ST8SIA6: variants seen among roughly 807,000 people sequenced by gnomAD.
The protein encoded by ST8SIA6 is ST8 alpha-N-acetyl-neuraminide alpha-2,8-sialyltransferase 6.
In ST8SIA6, 39 loss-of-function variants were observed where a neutral mutation model predicts 33.6. The observed-to-expected ratio is 1.16, with a 90% confidence interval of 0.90 to 1.52. The LOEUF is 1.52. Ranked by LOEUF, ST8SIA6 falls within the 40% of genes most tolerant of loss-of-function variation. ST8SIA6 has a pLI of 0.00. For missense variants in ST8SIA6, 441 were observed against 443.8 expected (o/e 0.99, Z 0.06); for synonymous variants, 172 against 167.2 (o/e 1.03, Z -0.22).
intron 6 of ST8SIA6, among the ~76,000 whole-genome samples, chr10:17,325,271 A>G (rs1271757305): frequency 6.9e-6 from 1 of 144,904 alleles, no homozygotes. Flanking sequence ...ATACTATACA[A>G]TGTACAATAT....
chr10:17,420,370 C>T (rs1851741827), intron 2 of ST8SIA6, among the ~76,000 whole-genome samples: 1 of 152,080 alleles, frequency 6.6e-6, no homozygotes. Context: ...TGAGATCACG[C>T]CACTGCACTC....
intron 2 of ST8SIA6, among the ~76,000 whole-genome samples, chr10:17,434,230 G>T (rs374827999): frequency 3.3e-5 from 5 of 152,120 alleles, no homozygotes; most frequent in Admixed American, 2.6e-4. Context: ...CTGAAACTCC[G>T]GCTGACCAGG....
At chr10:17,327,988 T>C (rs541499567) in intron 5 of ST8SIA6, among the ~76,000 whole-genome samples, 8 of 152,178 alleles carry the variant, frequency 5.3e-5, no homozygotes, top group South Asian at 2.1e-4. Flanking sequence ...TTGAGAGAAA[T>C]AGACATCATA....
chr10:17,399,674 T>C (rs1237722038), intron 2 of ST8SIA6, among the ~76,000 whole-genome samples: 2 of 152,044 alleles, frequency 1.3e-5, no homozygotes, highest in African/African-American at 4.8e-5. Context: ...CCCAGCACTT[T>C]GGGAGGCAGA....
intron 6 of ST8SIA6, among the ~76,000 whole-genome samples, chr10:17,323,559 A>G (rs1360475682): frequency 2.6e-5 from 4 of 151,606 alleles, no homozygotes; most frequent in Non-Finnish European, 5.9e-5. Flanking sequence ...GCGAATTTGT[A>G]TTTTTAGTAG....
intron 2 of ST8SIA6, among the ~76,000 whole-genome samples, chr10:17,445,400 T>C (rs767016107): frequency 6.6e-6 from 1 of 152,174 alleles, no homozygotes; most frequent in Admixed American, 6.5e-5. Flanking sequence ...GGAAGAGATA[T>C]TATTAACAAA....
intron 3 of ST8SIA6, among the ~76,000 whole-genome samples, chr10:17,380,283 C>T (rs550524603): frequency 2.2e-3 from 337 of 152,314 alleles, no homozygotes; most frequent in Admixed American, 3.9e-3. Context: ...AAGTAAGAAA[C>T]TGGTTTGGGA....
At chr10:17,336,636 C>G (rs1848508392) in intron 4 of ST8SIA6, among the ~76,000 whole-genome samples, 1 of 149,760 alleles carries the variant, frequency 6.7e-6, no homozygotes, top group African/African-American at 2.5e-5. Context: ...CTACCTCACC[C>G]AGGCTGAAGT....
chr10:17,379,062 G>A (rs968280610), intron 3 of ST8SIA6, among the ~76,000 whole-genome samples: 2 of 151,694 alleles, frequency 1.3e-5, no homozygotes, highest in South Asian at 4.2e-4. Context: ...GGAGGCAGTG[G>A]TTGCAGTGAG....
intron 2 of ST8SIA6, among the ~76,000 whole-genome samples, chr10:17,401,888 T>C (rs1443773048): frequency 6.8e-6 from 1 of 147,274 alleles, no homozygotes; most frequent in Non-Finnish European, 1.5e-5. Context: ...ACTTCATGTC[T>C]AAAACACCAA....
chr10:17,407,433 G>A (rs1201964036), intron 2 of ST8SIA6, among the ~76,000 whole-genome samples: 1 of 152,160 alleles, frequency 6.6e-6, no homozygotes, highest in African/African-American at 2.4e-5. Flanking sequence ...TGTGTCCTAA[G>A]AAGAGCCGTG....
chr10:17,340,132 A>G (rs1848625651), intron 4 of ST8SIA6, among the ~76,000 whole-genome samples: 1 of 152,210 alleles, frequency 6.6e-6, no homozygotes, highest in Non-Finnish European at 1.5e-5. Context: ...AAGAATCAGT[A>G]TGTCGATATG....
At chr10:17,425,436 G>A (rs1163639620) in intron 2 of ST8SIA6, among the ~76,000 whole-genome samples, 1 of 152,004 alleles carries the variant, frequency 6.6e-6, no homozygotes, top group East Asian at 1.9e-4. Context: ...AGGCATGGTG[G>A]TGCGCCTGTA....
In ST8SIA6 at chr10:17,331,425, A is replaced by G; in HGVS notation, c.505T>C (p.Phe169Leu). 1 of 1,613,298 alleles carries G rather than the reference A, an allele frequency of 6.2e-7. No homozygotes were observed. Among genetic ancestry groups the G allele is most frequent in the Non-Finnish European group, 8.5e-7 (1 of 1,179,734 alleles). ...KKEIPIKKNIFHMFPVSQPFV... is the reference protein window; with the variant it reads ...KKEIPIKKNILHMFPVSQPFV... The stretch of plus-strand genomic sequence containing the variant: ...TTACTCACCACTGGAAACATATGAA[A>G]AATGTTCTTCTTAATTGGGATTTCT... Residue 169 changes from phenylalanine to leucine, a missense_variant, in exon 5 of 8, where the codon TTT becomes CTT. By Grantham distance (22) the Phe-to-Leu change is conservative (BLOSUM62 0). Transcript: ENST00000377602.
chr10:17,347,298 C>T (rs563227843), intron 4 of ST8SIA6, among the ~76,000 whole-genome samples: 1 of 152,224 alleles, frequency 6.6e-6, no homozygotes, highest in South Asian at 2.1e-4. Flanking sequence ...GGGTGTGAGA[C>T]TTTAGCAAAA....
At chr10:17,397,975 G>T (rs1023499647) in intron 2 of ST8SIA6, among the ~76,000 whole-genome samples, 2 of 152,154 alleles carry the variant, frequency 1.3e-5, no homozygotes, top group Non-Finnish European at 2.9e-5. Context: ...CCACTGACAA[G>T]ATTCCACAGA....
chr10:17,338,691 C>G (rs1018303456), intron 4 of ST8SIA6, among the ~76,000 whole-genome samples: 2 of 152,204 alleles, frequency 1.3e-5, no homozygotes, highest in African/African-American at 4.8e-5. Flanking sequence ...GATGTATAAG[C>G]TGCCCTATGG....
At chr10:17,360,027 ATTATC>A (rs1199186793) in intron 3 of ST8SIA6, among the ~76,000 whole-genome samples, 1 of 152,134 alleles carries the variant, frequency 6.6e-6, no homozygotes, top group Non-Finnish European at 1.5e-5. Flanking sequence ...CCTCCAAATA[ATTATC>A]TTAAGTTATA....
intron 4 of ST8SIA6, among the ~76,000 whole-genome samples, chr10:17,347,760 C>T (rs1243537229): frequency 1.3e-5 from 2 of 151,792 alleles, no homozygotes; most frequent in African/African-American, 4.8e-5. Context: ...ACAGTGAAAC[C>T]CTGTCTCTAC....
Sources: gnomAD v4.1 joint callset for allele counts (sites outside exome capture counted in the v4.1 genomes callset) on GRCh38, gnomAD v4.1.1 for gene constraint, MANE v1.5 for transcripts, NCBI Gene and HGNC (gene_info 2026-07-23, HGNC 2026-07-21) for gene names.